PCCA: variants seen among roughly 807,000 people sequenced by gnomAD.
The protein encoded by PCCA is propionyl-CoA carboxylase subunit alpha.
A neutral mutation model predicts 101.3 loss-of-function variants in PCCA; 74 were observed. The observed-to-expected ratio is 0.73, with a 90% CI of 0.61 to 0.89. The LOEUF (loss-of-function observed/expected upper bound fraction) is 0.89, where lower values mean the gene tolerates loss of function less well. PCCA is among the 40% of genes least tolerant of loss of function. The pLI is 0.00. For missense variants in PCCA, 891 were observed against 907.0 expected, an observed-to-expected ratio of 0.98 and a Z score of 0.23; for synonymous variants, 294 against 313.6, an observed-to-expected ratio of 0.94 and a Z score of 0.66.
chr13:100,199,798 A>G (rs2058360890), intron 6 of PCCA, among the ~76,000 whole-genome samples: 1 of 152,234 alleles, frequency 6.6e-6, no homozygotes, highest in Non-Finnish European at 1.5e-5. Context: ...TACCACTGGT[A>G]CAATTCATAT....
At chr13:100,187,898 C>T (rs1195603763) in intron 6 of PCCA, among the ~76,000 whole-genome samples, 1 of 152,038 alleles carries the variant, frequency 6.6e-6, no homozygotes, top group Non-Finnish European at 1.5e-5. Flanking sequence ...TATCCCCCGC[C>T]CCCTTCCCAC....
chr13:100,455,117 A>G (rs2081611359), intron 21 of PCCA, among the ~76,000 whole-genome samples: 1 of 152,214 alleles, frequency 6.6e-6, no homozygotes, highest in Non-Finnish European at 1.5e-5. Context: ...TAAAATATGT[A>G]GTATGTCAAG....
At chr13:100,507,281 A>G (rs894158850) in intron 21 of PCCA, among the ~76,000 whole-genome samples, 1 of 152,222 alleles carries the variant, frequency 6.6e-6, no homozygotes, top group Non-Finnish European at 1.5e-5. Flanking sequence ...TTTGTGGCAT[A>G]TGCACCTACT....
Position 100,391,306 on chromosome 13 carries a change from G to A in PCCA, c.1746+22732G>A, listed in dbSNP as rs187866289. 1.4e-3 allele frequency among the ~76,000 whole-genome samples: 211 copies of A among 152,312 alleles called. 1 individual carries two copies. The highest frequency in any genetic ancestry group is 4.7e-3 in the African/African-American group (195 of 41,574). ...TTTTTATATGAAAGGACAAAGGAGC[G>A]GGTGGAGATGAAGGGAGAGTTGGTG... On this transcript the variant is annotated intron_variant, in intron 19 of 23. Coordinates refer to ENST00000376285, the MANE Select transcript of PCCA (RefSeq NM_000282.4).
chr13:100,449,113 A>G, intron 20 of PCCA, 139 bp from the exon 21 acceptor site: 1 of 553,206 alleles, frequency 1.8e-6, no homozygotes. Flanking sequence ...TGGCCAAATA[A>G]TATTCCACTG....
chr13:100,332,363 GTGGACTTAGGACTTCCA>G (rs1328119176), intron 17 of PCCA, among the ~76,000 whole-genome samples: 1 of 152,044 alleles, frequency 6.6e-6, no homozygotes, highest in Non-Finnish European at 1.5e-5. Flanking sequence ...ACGTTTTGAA[GTGGACTTAGGACTTCCA>G]TGTTTTTATG....
intron 19 of PCCA, among the ~76,000 whole-genome samples, chr13:100,413,038 T>C (rs556884129): frequency 2.0e-5 from 3 of 152,214 alleles, no homozygotes; most frequent in South Asian, 4.1e-4. Context: ...ATGTCACTGG[T>C]GGCCCCAGAG....
At chr13:100,267,744 C>T (rs1277553547) in intron 10 of PCCA, among the ~76,000 whole-genome samples, 1 of 152,070 alleles carries the variant, frequency 6.6e-6, no homozygotes. Flanking sequence ...TTTTGAGTTT[C>T]CAGATTTAGC....
intron 4 of PCCA, among the ~76,000 whole-genome samples, chr13:100,145,824 T>C (rs1195610774): frequency 2.0e-5 from 3 of 148,170 alleles, no homozygotes; most frequent in African/African-American, 7.5e-5. Context: ...ATTGCACCAT[T>C]GCACTCCAGC....
intron 22 of PCCA, among the ~76,000 whole-genome samples, chr13:100,518,643 A>G (rs2087011074): frequency 1.3e-5 from 2 of 152,246 alleles, no homozygotes; most frequent in South Asian, 4.1e-4. Flanking sequence ...AAATGCAGGT[A>G]AGCAAACAAA....
chr13:100,362,174 A>G (rs1208511551), intron 18 of PCCA, among the ~76,000 whole-genome samples: 1 of 152,196 alleles, frequency 6.6e-6, no homozygotes, highest in African/African-American at 2.4e-5. Context: ...AGCTCAGAAC[A>G]GGCAAGCATA....
intron 19 of PCCA, among the ~76,000 whole-genome samples, chr13:100,378,419 G>T (rs1167746550): frequency 6.6e-6 from 1 of 152,168 alleles, no homozygotes; most frequent in Non-Finnish European, 1.5e-5. Context: ...ATACTGTTTT[G>T]CATTGAATCT....
At chr13:100,094,889 C>T (rs2046628373) in intron 1 of PCCA, among the ~76,000 whole-genome samples, 1 of 152,142 alleles carries the variant, frequency 6.6e-6, no homozygotes, top group Non-Finnish European at 1.5e-5. Flanking sequence ...TGCCTGCCCT[C>T]TCTTTGGTAT....
intron 6 of PCCA, among the ~76,000 whole-genome samples, chr13:100,178,408 G>A (rs1201798581): frequency 6.6e-6 from 1 of 152,342 alleles, no homozygotes; most frequent in African/African-American, 2.4e-5. Flanking sequence ...TTTGATGCCT[G>A]ATAACTTCAG....
chr13:100,480,802 T>A (rs2083841498), intron 21 of PCCA, among the ~76,000 whole-genome samples: 1 of 152,196 alleles, frequency 6.6e-6, no homozygotes, highest in Non-Finnish European at 1.5e-5. Context: ...CACAATGGGT[T>A]TTCTTTGCTT....
chr13:100,323,772 T>G lies in PCCA; in HGVS notation c.1430-6789T>G, dbSNP rs748298229. 3.9e-4 allele frequency among the ~76,000 whole-genome samples: 60 copies of G among 152,330 alleles called. No individual in the cohort carries two copies. In the Middle Eastern group the frequency reaches 0.01, roughly 26 times the overall value. The stretch of plus-strand genomic sequence containing the variant: ...ATAACAGGATAGTAATGTTCTTTTT[T>G]GAGAGCCCAGCATTGCATTAAGCAT... On this transcript the variant is annotated intron_variant, in intron 16 of 23. Coordinates refer to ENST00000376285, the MANE Select transcript of PCCA (RefSeq NM_000282.4).
chr13:100,237,257 GT>G (rs1412339460), intron 8 of PCCA: 1 of 152,244 alleles, frequency 6.6e-6, no homozygotes, highest in Non-Finnish European at 1.5e-5. Flanking sequence ...CTTGTTTGTA[GT>G]TGGTACTGTC....
At chr13:100,424,832 T>C (rs1024841503) in intron 19 of PCCA, among the ~76,000 whole-genome samples, 1 of 152,188 alleles carries the variant, frequency 6.6e-6, no homozygotes, top group Non-Finnish European at 1.5e-5. Flanking sequence ...TGAGCAAGAT[T>C]AAGTATCACC....
chr13:100,179,173 G>A (rs1346926284), intron 6 of PCCA, among the ~76,000 whole-genome samples: 1 of 150,822 alleles, frequency 6.6e-6, no homozygotes, highest in South Asian at 2.1e-4. Flanking sequence ...TTAAGTATTT[G>A]TACCTTGACA....
Sources: allele counts gnomAD v4.1 joint callset (sites outside exome capture counted in the v4.1 genomes callset), GRCh38; gene constraint gnomAD v4.1.1; transcripts MANE v1.5; gene names NCBI Gene and HGNC (gene_info 2026-07-23, HGNC 2026-07-21).